C1orf21: variants seen among roughly 807,000 people sequenced by gnomAD.
The protein encoded by C1orf21 is uncharacterized protein C1orf21.
C1orf21 carries 3 observed loss-of-function variants against 18.7 expected under a neutral mutation model. The ratio of observed to expected loss-of-function variants is 0.16; its 90% CI spans 0.07 to 0.42. The LOEUF is 0.42. Among genes scored for constraint, C1orf21 ranks in the 10% least tolerant of loss-of-function variants. C1orf21 has a pLI of 0.99. For missense variants in C1orf21, 104 were observed against 143.6 expected, an observed-to-expected ratio of 0.72 and a Z score of 1.41; for synonymous variants, 41 against 46.4, an observed-to-expected ratio of 0.88 and a Z score of 0.47.
chr1:184,586,633 G>GT (rs1187332381), intron 3 of C1orf21, among the ~76,000 whole-genome samples: 5 of 152,140 alleles, frequency 3.3e-5, no homozygotes, highest in African/African-American at 1.2e-4. Flanking sequence ...TTGTAAATTT[G>GT]TTTAAGTTCC....
Position 184,598,381 on chromosome 1 carries a change from A to G in C1orf21, c.267-20A>G. 6.2e-7 allele frequency: 1 copy of G among 1,612,322 alleles called. No individual in the cohort carries two copies. Among genetic ancestry groups the G allele is most frequent in the Non-Finnish European group, 8.5e-7 (1 of 1,179,320 alleles). The stretch of plus-strand genomic sequence containing the variant: ...TAGCAAAGCACTAAAATATGCACTT[A>G]ACTACCCTTTGTTTTTCAGCATGCA... On this transcript the variant is annotated intron_variant, in intron 4 of 5. Transcript: ENST00000235307.
chr1:184,533,477 G>C (rs1038903378), intron 3 of C1orf21, among the ~76,000 whole-genome samples: 2 of 152,130 alleles, frequency 1.3e-5, no homozygotes, highest in East Asian at 1.9e-4. Context: ...GTTAAAGAAG[G>C]CATGGTCTTT....
intron 2 of C1orf21, among the ~76,000 whole-genome samples, chr1:184,480,780 A>G (rs1023398010): frequency 2.6e-5 from 4 of 151,992 alleles, no homozygotes; most frequent in African/African-American, 9.7e-5. Context: ...TTAAAGGGGG[A>G]CTTGGCATGA....
At chr1:184,575,532 A>G (rs949264698) in intron 3 of C1orf21, among the ~76,000 whole-genome samples, 8 of 152,020 alleles carry the variant, frequency 5.3e-5, no homozygotes, top group Non-Finnish European at 1.0e-4. Flanking sequence ...AAGTGCTAGA[A>G]GAAGTAATAA....
intron 3 of C1orf21, among the ~76,000 whole-genome samples, chr1:184,589,064 A>C (rs182964637): frequency 6.6e-6 from 1 of 152,188 alleles, no homozygotes; most frequent in African/African-American, 2.4e-5. Context: ...ATGGAATATA[A>C]ACAACATACC....
intron 3 of C1orf21, among the ~76,000 whole-genome samples, chr1:184,580,487 G>T (rs1042781233): frequency 1.3e-5 from 2 of 152,174 alleles, no homozygotes; most frequent in African/African-American, 4.8e-5. Flanking sequence ...GTTAATCATT[G>T]GTCCTCCTCA....
In C1orf21 at chr1:184,459,907, T is replaced by A. The variant is rs187351020; in HGVS notation, c.-124-17479T>A. ...CATCCATCCATGCACTTTGCTTCCA[T>A]TTTTATTTCTCTCACTTTTCCTCTG... On this transcript the variant is annotated intron_variant, in intron 1 of 5. Transcript: ENST00000235307. Among the ~76,000 whole-genome samples, 906 of 152,294 alleles carry A rather than the reference T, an allele frequency of 5.9e-3. 14 individuals carry two copies. The highest frequency in any genetic ancestry group is 0.017 in the African/African-American group (726 of 41,548).
chr1:184,486,546 C>T (rs1657735236), intron 2 of C1orf21, among the ~76,000 whole-genome samples: 1 of 152,132 alleles, frequency 6.6e-6, no homozygotes, highest in Non-Finnish European at 1.5e-5. Flanking sequence ...CCCACCTCTT[C>T]ACTCTCCTCC....
At chr1:184,406,848 A>G (rs1362629836) in intron 1 of C1orf21, among the ~76,000 whole-genome samples, 5 of 152,092 alleles carry the variant, frequency 3.3e-5, no homozygotes, top group Admixed American at 3.3e-4. Context: ...AGGCTGGAGT[A>G]TAGTGGCATG....
intron 1 of C1orf21, among the ~76,000 whole-genome samples, chr1:184,475,350 C>T (rs1400831228): frequency 1.3e-5 from 2 of 152,078 alleles, no homozygotes; most frequent in Admixed American, 6.5e-5. Flanking sequence ...CCCCCCCATC[C>T]CCACCTGACC....
intron 3 of C1orf21, among the ~76,000 whole-genome samples, chr1:184,583,670 A>G (rs917377425): frequency 6.6e-6 from 1 of 152,194 alleles, no homozygotes; most frequent in Non-Finnish European, 1.5e-5. Context: ...CTTGTTTAAA[A>G]TGCAGATTCC....
chr1:184,547,193 G>A (rs558418109), intron 3 of C1orf21, among the ~76,000 whole-genome samples: 1 of 152,318 alleles, frequency 6.6e-6, no homozygotes, highest in East Asian at 1.9e-4. Context: ...GCAGCCAGAA[G>A]AGGCCAGACC....
At chr1:184,418,996 A>G (rs35964209) in intron 1 of C1orf21, among the ~76,000 whole-genome samples, 9,256 of 152,264 alleles carry the variant, frequency 0.061, 350 homozygotes, top group Non-Finnish European at 0.072. Flanking sequence ...TGTTTTCTTT[A>G]CATGAGTAAA....
At position 184,472,753 on chromosome 1, in the gene C1orf21, G is replaced by A. The variant is rs116462336; in HGVS notation, c.-124-4633G>A. Among the ~76,000 whole-genome samples, 1,273 of 152,192 alleles carry A rather than the reference G, an allele frequency of 8.4e-3. 24 individuals carry two copies. Among genetic ancestry groups the A allele is most frequent in the African/African-American group, 0.029 (1,207 of 41,522 alleles). On this transcript the variant is annotated intron_variant, in intron 1 of 5. Coordinates refer to ENST00000235307, the MANE Select transcript of C1orf21 (RefSeq NM_030806.4). Reference sequence around the variant, plus strand: ...CTTATAAAAGGACAAGGTATTTCATGTGTGTAATATGTGATATGTATTCAT... The same window carrying A: ...CTTATAAAAGGACAAGGTATTTCATATGTGTAATATGTGATATGTATTCAT...
At chr1:184,573,307 T>C (rs1659140504) in intron 3 of C1orf21, among the ~76,000 whole-genome samples, 1 of 152,216 alleles carries the variant, frequency 6.6e-6, no homozygotes, top group South Asian at 2.1e-4. Context: ...ATTCTATTCA[T>C]ACCATTCTGT....
intron 5 of C1orf21, among the ~76,000 whole-genome samples, chr1:184,603,207 G>C (rs1571297958): frequency 6.6e-6 from 1 of 152,242 alleles, no homozygotes; most frequent in South Asian, 2.1e-4. Flanking sequence ...GAGCATGCAT[G>C]AGCCTAGCTG....
intron 1 of C1orf21, among the ~76,000 whole-genome samples, chr1:184,395,459 A>G (rs899499395): frequency 6.6e-6 from 1 of 152,146 alleles, no homozygotes; most frequent in Non-Finnish European, 1.5e-5. Flanking sequence ...TTATTCACTC[A>G]GATAATTTAT....
At chr1:184,398,688 A>G (rs557892996) in intron 1 of C1orf21, among the ~76,000 whole-genome samples, 1 of 152,220 alleles carries the variant, frequency 6.6e-6, no homozygotes, top group African/African-American at 2.4e-5. Flanking sequence ...CTCCTAGGCT[A>G]TAGACCTGTA....
intron 1 of C1orf21, among the ~76,000 whole-genome samples, chr1:184,435,118 A>G (rs766504166): frequency 6.6e-6 from 1 of 152,200 alleles, no homozygotes; most frequent in Non-Finnish European, 1.5e-5. Context: ...GGTGAGATGT[A>G]TGAGGAAAGT....
Sources: allele counts gnomAD v4.1 joint callset (sites outside exome capture counted in the v4.1 genomes callset), GRCh38; gene constraint gnomAD v4.1.1; transcripts MANE v1.5; gene names NCBI Gene and HGNC (gene_info 2026-07-23, HGNC 2026-07-21).